PXT1: variants seen among roughly 807,000 people sequenced by gnomAD.
PXT1 encodes peroxisomal testis-specific protein 1.
A neutral mutation model predicts 11.0 loss-of-function variants in PXT1; 11 were observed. The ratio of observed to expected loss-of-function variants is 1.00; its 90% confidence interval spans 0.63 to 1.66. The LOEUF is 1.66. Among genes scored for constraint, PXT1 ranks in the 40% most tolerant of loss-of-function variants. The pLI is 0.00. For synonymous variants in PXT1, 43 were observed against 51.4 expected, an observed-to-expected ratio of 0.84 and a Z score of 0.70; for missense variants, 141 against 155.5, an observed-to-expected ratio of 0.91 and a Z score of 0.49.
chr6:36,421,518 A>G (rs149272461), intron 3 of PXT1, among the ~76,000 whole-genome samples: 2 of 152,340 alleles, frequency 1.3e-5, no homozygotes, highest in East Asian at 3.9e-4. Flanking sequence ...ACGAATAACC[A>G]CAGAGTTAAT....
chr6:36,411,998 T>C (rs929651437), intron 3 of PXT1, among the ~76,000 whole-genome samples: 50 of 152,084 alleles, frequency 3.3e-4, no homozygotes, highest in African/African-American at 1.2e-3. Flanking sequence ...AAACACATAA[T>C]TCAGTGAAAG....
chr6:36,416,165 T>C (rs1271219580), intron 3 of PXT1, among the ~76,000 whole-genome samples: 1 of 150,828 alleles, frequency 6.6e-6, no homozygotes, highest in Non-Finnish European at 1.5e-5. Context: ...ACCAAGACCC[T>C]GTCTCTACCA....
At chr6:36,439,035 G>C (rs1251670706) in intron 1 of PXT1, 149 bp from the exon 2 acceptor site, 1 of 151,718 alleles carries the variant, frequency 6.6e-6, no homozygotes, top group Non-Finnish European at 1.5e-5. Context: ...CGGAGTCTCG[G>C]TATCGCCCAG....
At chr6:36,439,724 C>CA (rs1774828248) in intron 1 of PXT1, among the ~76,000 whole-genome samples, 1 of 150,834 alleles carries the variant, frequency 6.6e-6, no homozygotes, top group South Asian at 2.1e-4. Flanking sequence ...AACAAGAGGT[C>CA]ATGTGAGCTG....
intron 2 of PXT1, among the ~76,000 whole-genome samples, chr6:36,433,282 C>T (rs565409318): frequency 6.6e-6 from 1 of 152,074 alleles, no homozygotes; most frequent in South Asian, 2.1e-4. Context: ...AGAAGAAACA[C>T]TATAAGAATA....
At chr6:36,398,047 T>C (rs1314162027) in intron 4 of PXT1, among the ~76,000 whole-genome samples, 1 of 151,520 alleles carries the variant, frequency 6.6e-6, no homozygotes, top group Non-Finnish European at 1.5e-5. Context: ...AATAAAAAGA[T>C]AAGTAGTCAA....
chr6:36,397,078 G>A (rs996340424), intron 4 of PXT1, among the ~76,000 whole-genome samples: 5 of 152,306 alleles, frequency 3.3e-5, no homozygotes, highest in Non-Finnish European at 5.9e-5. Flanking sequence ...CCTCTGAGCT[G>A]TTGTAACACT....
intron 3 of PXT1, among the ~76,000 whole-genome samples, chr6:36,416,042 T>TA (rs35975079): frequency 2.7e-5 from 4 of 150,752 alleles, no homozygotes; most frequent in East Asian, 2.0e-4. Flanking sequence ...CTACCAGAAA[T>TA]AAAAAAAAGT....
intron 2 of PXT1, 122 bp from the exon 3 acceptor site, chr6:36,426,213 G>T: frequency 1.6e-6 from 1 of 643,350 alleles, no homozygotes; most frequent in Non-Finnish European, 2.5e-6. Context: ...GAGAGTTATG[G>T]ATTGGGGTAG....
chr6:36,433,824 G>A (rs1476729363), intron 2 of PXT1, among the ~76,000 whole-genome samples: 5 of 2,756 alleles, frequency 1.8e-3, no homozygotes, highest in Non-Finnish European at 5.3e-3. Context: ...CTCTGTCTCA[G>A]GAAAAAAAAA....
intron 1 of PXT1, among the ~76,000 whole-genome samples, chr6:36,441,611 G>T (rs1199812940): frequency 6.6e-6 from 1 of 152,168 alleles, no homozygotes; most frequent in Non-Finnish European, 1.5e-5. Flanking sequence ...GGGAAGCTGA[G>T]TCACCATGGG....
At chr6:36,429,725 G>A (rs1254971242) in intron 2 of PXT1, among the ~76,000 whole-genome samples, 4 of 150,556 alleles carry the variant, frequency 2.7e-5, no homozygotes, top group Non-Finnish European at 5.9e-5. Context: ...TGCTGGTCTC[G>A]AACTCCTGAC....
intron 4 of PXT1, among the ~76,000 whole-genome samples, chr6:36,399,302 T>C (rs1774183735): frequency 6.6e-6 from 1 of 152,194 alleles, no homozygotes; most frequent in Middle Eastern, 3.4e-3. Context: ...TGTGCCACCA[T>C]GCCTGACTAA....
At position 36,400,591 on chromosome 6, in the gene PXT1, T is replaced by G. The variant is rs187498835; in HGVS notation, c.170-7A>C. The G allele has an allele frequency of 4.6e-4, 739 of 1,609,786 alleles. 6 individuals are homozygous for G. The African/African-American group carries it at 8.8e-3, about 19-fold the overall frequency. On this transcript the variant is annotated splice_polypyrimidine_tract_variant and splice_region_variant and intron_variant, in intron 3 of 4. Coordinates refer to ENST00000454782, the MANE Select transcript of PXT1 (RefSeq NM_152990.4). ...TGAGAAAGTAGATTATGATCTGCAT[T>G]GAGAAAAAAGAGTTCAAAAGAGATA...
At chr6:36,437,810 C>A (rs1194173092) in intron 2 of PXT1, among the ~76,000 whole-genome samples, 1 of 144,226 alleles carries the variant, frequency 6.9e-6, no homozygotes, top group Non-Finnish European at 1.5e-5. Context: ...GCCACCGTGC[C>A]CAGCCACTGC....
intron 4 of PXT1, among the ~76,000 whole-genome samples, chr6:36,393,864 C>T (rs1018413544): frequency 1.3e-5 from 2 of 152,118 alleles, no homozygotes; most frequent in South Asian, 4.1e-4. Flanking sequence ...AAACTACATA[C>T]TTTATTTGTG....
chr6:36,421,054 C>CAA (rs1185962905), intron 3 of PXT1, among the ~76,000 whole-genome samples: 7 of 74,310 alleles, frequency 9.4e-5, no homozygotes, highest in African/African-American at 2.3e-4. Context: ...GACTCCGTCT[C>CAA]AAAAAAAAAA....
At chr6:36,425,800 C>CAAAAACAAACAAAAAAAAA (rs1433662209) in intron 3 of PXT1, 114 bp downstream of exon 3, 1 of 215,658 alleles carries the variant, frequency 4.6e-6, no homozygotes, top group African/African-American at 3.4e-5. Context: ...AAAACAAAAA[C>CAAAAACAAACAAAAAAAAA]AAAAAATATA....
chr6:36,392,183 A>G (rs548162386), intron 4 of PXT1, among the ~76,000 whole-genome samples: 18 of 152,228 alleles, frequency 1.2e-4, no homozygotes, highest in Non-Finnish European at 2.4e-4. Context: ...GCATGCCACC[A>G]TGTCTGGCTA....
Sources: allele counts gnomAD v4.1 joint callset (sites outside exome capture counted in the v4.1 genomes callset), GRCh38; gene constraint gnomAD v4.1.1; transcripts MANE v1.5; gene names NCBI Gene and HGNC (gene_info 2026-07-23, HGNC 2026-07-21).